ZNF804A: variants seen among roughly 807,000 people sequenced by gnomAD.
The protein encoded by ZNF804A is zinc finger protein 804A.
In ZNF804A, 2 loss-of-function variants were observed where a neutral mutation model predicts 16.5. The ratio of observed to expected loss-of-function variants is 0.12; its 90% CI spans 0.05 to 0.38. ZNF804A has a LOEUF of 0.38. ZNF804A is among the 10% of genes least tolerant of loss of function. ZNF804A has a pLI of 0.99. For synonymous variants in ZNF804A, 534 were observed against 489.6 expected (o/e 1.09, Z -1.20); for missense variants, 1,473 against 1,390.7 (o/e 1.06, Z -0.94).
At chr2:184,922,085 A>G (rs1441790837) in intron 2 of ZNF804A, among the ~76,000 whole-genome samples, 1 of 152,136 alleles carries the variant, frequency 6.6e-6, no homozygotes, top group African/African-American at 2.4e-5. Flanking sequence ...ACATGAGTGC[A>G]CAGATATGTC....
intron 1 of ZNF804A, among the ~76,000 whole-genome samples, chr2:184,787,826 GT>G (rs71011058): frequency 0.24 from 34,241 of 142,850 alleles, 4,198 homozygotes; most frequent in Middle Eastern, 0.34. Context: ...TTCTTTTGCT[GT>G]TTTTTTTTTT....
chr2:184,727,869 T>G (rs1693439481), intron 1 of ZNF804A, among the ~76,000 whole-genome samples: 1 of 151,742 alleles, frequency 6.6e-6, no homozygotes, highest in African/African-American at 2.4e-5. Context: ...GAATTTCATT[T>G]GGTATTGTTA....
At chr2:184,920,958 A>G (rs942562642) in intron 2 of ZNF804A, among the ~76,000 whole-genome samples, 2 of 152,232 alleles carry the variant, frequency 1.3e-5, no homozygotes, top group African/African-American at 2.4e-5. Context: ...AATGTGGGCT[A>G]AGCTGCTAAA....
At chr2:184,870,580 C>G (rs1483044807) in intron 2 of ZNF804A, among the ~76,000 whole-genome samples, 1 of 151,884 alleles carries the variant, frequency 6.6e-6, no homozygotes, top group African/African-American at 2.4e-5. Context: ...ATTGTTAACT[C>G]TTCCATGTGC....
intron 1 of ZNF804A, among the ~76,000 whole-genome samples, chr2:184,832,776 A>C (rs1474370747): frequency 6.6e-6 from 1 of 151,934 alleles, no homozygotes; most frequent in Admixed American, 6.6e-5. Context: ...TAATGTTTTA[A>C]ATGTACATCA....
intron 1 of ZNF804A, among the ~76,000 whole-genome samples, chr2:184,668,095 T>C (rs753691117): frequency 6.6e-6 from 1 of 151,766 alleles, no homozygotes; most frequent in Non-Finnish European, 1.5e-5. Context: ...AAAAGATCAA[T>C]TAGGACAGCT....
chr2:184,624,957 A>G (rs1191619706), intron 1 of ZNF804A, among the ~76,000 whole-genome samples: 1 of 152,136 alleles, frequency 6.6e-6, no homozygotes, highest in Admixed American at 6.5e-5. Flanking sequence ...TACTTACAGC[A>G]GTAAGTGATT....
In ZNF804A at chr2:184,656,808, T is replaced by G. The variant is rs201509947; in HGVS notation, c.111+57738T>G. Among the ~76,000 whole-genome samples the G allele has an allele frequency of 3.3e-5, 5 of 152,166 alleles. No homozygotes were observed. In the East Asian group the frequency reaches 9.7e-4, roughly 29 times the overall value. On this transcript the variant is annotated intron_variant, in intron 1 of 3. Coordinates refer to ENST00000302277, the MANE Select transcript of ZNF804A (RefSeq NM_194250.2). ...GACAATCATTTTCCAGTGTCCCTTC[T>G]GTTTATATTGTGTACAGTTGTCCAG...
chr2:184,922,427 C>T (rs1041210670), intron 2 of ZNF804A, among the ~76,000 whole-genome samples: 2 of 151,884 alleles, frequency 1.3e-5, no homozygotes, highest in African/African-American at 2.4e-5. Context: ...GATATTTTGC[C>T]TATTTTTTAA....
intron 1 of ZNF804A, among the ~76,000 whole-genome samples, chr2:184,770,341 A>C (rs1446403431): frequency 1.3e-5 from 2 of 151,974 alleles, no homozygotes; most frequent in African/African-American, 4.8e-5. Flanking sequence ...GTTTTTCTTA[A>C]ATTTTAAATT....
At chr2:184,600,384 A>G (rs899353714) in intron 1 of ZNF804A, among the ~76,000 whole-genome samples, 7 of 152,096 alleles carry the variant, frequency 4.6e-5, no homozygotes, top group Non-Finnish European at 1.0e-4. Flanking sequence ...TGTTTCTTTT[A>G]TTGATTTTGT....
chr2:184,902,904 G>A (rs1177175368), intron 2 of ZNF804A, among the ~76,000 whole-genome samples: 2 of 152,146 alleles, frequency 1.3e-5, no homozygotes, highest in Non-Finnish European at 2.9e-5. Context: ...CTCAGCCAAG[G>A]AATGTACAGT....
intron 1 of ZNF804A, among the ~76,000 whole-genome samples, chr2:184,864,434 G>A (rs1448584988): frequency 6.6e-6 from 1 of 151,272 alleles, no homozygotes; most frequent in African/African-American, 2.4e-5. Context: ...TTTAACATGA[G>A]ATTTAGAAGG....
intron 1 of ZNF804A, among the ~76,000 whole-genome samples, chr2:184,749,447 A>G (rs1693843020): frequency 6.6e-6 from 1 of 151,272 alleles, no homozygotes; most frequent in Non-Finnish European, 1.5e-5. Flanking sequence ...ATCTTGGTAA[A>G]ATAGTTCATC....
intron 2 of ZNF804A, among the ~76,000 whole-genome samples, chr2:184,919,221 G>A (rs1448241249): frequency 6.6e-6 from 1 of 152,210 alleles, no homozygotes; most frequent in Non-Finnish European, 1.5e-5. Context: ...ATTCCAGGAA[G>A]AAGGTAACAC....
intron 1 of ZNF804A, among the ~76,000 whole-genome samples, chr2:184,751,457 C>G (rs1202964591): frequency 6.6e-6 from 1 of 151,342 alleles, no homozygotes; most frequent in Non-Finnish European, 1.5e-5. Context: ...TTGACTTTGG[C>G]AGTAATTTCT....
chr2:184,816,783 C>A (rs550359853), intron 1 of ZNF804A, among the ~76,000 whole-genome samples: 2 of 151,886 alleles, frequency 1.3e-5, no homozygotes, highest in South Asian at 4.2e-4. Flanking sequence ...TGTTGTTTTA[C>A]CTCTCTCTCA....
rs545935291 is a variant in ZNF804A, at chr2:184,719,420, A to C, written c.111+120350A>C. On this transcript the variant is annotated intron_variant, in intron 1 of 3. Transcript: ENST00000302277. ...CCTCATTCATTATGCAAATTTCTGC[A>C]GCTGGCTGGAATTTCTTCCCAGAAA... 5.3e-5 allele frequency among the ~76,000 whole-genome samples: 8 copies of C among 152,304 alleles called. No homozygotes were observed. The South Asian group carries it at 1.7e-3, about 32-fold the overall frequency.
At chr2:184,677,154 G>A (rs1276705410) in intron 1 of ZNF804A, among the ~76,000 whole-genome samples, 1 of 151,844 alleles carries the variant, frequency 6.6e-6, no homozygotes, top group Admixed American at 6.6e-5. Context: ...GAATCAATGT[G>A]CTTAAACTGT....
Sources: gnomAD v4.1 joint callset for allele counts (sites outside exome capture counted in the v4.1 genomes callset) on GRCh38, gnomAD v4.1.1 for gene constraint, MANE v1.5 for transcripts, NCBI Gene and HGNC (gene_info 2026-07-23, HGNC 2026-07-21) for gene names.